Variants in RBFOX1 observed in about 807,000 individuals in gnomAD.
RBFOX1 encodes RNA binding protein fox-1 homolog 1.
A neutral mutation model predicts 57.7 loss-of-function variants in RBFOX1; 8 were observed. The observed-to-expected ratio is 0.14, with a 90% confidence interval of 0.08 to 0.25. The LOEUF is 0.25. Ranked by LOEUF, RBFOX1 falls within the 10% of genes least tolerant of loss-of-function variation. The pLI, the probability that RBFOX1 is intolerant of heterozygous loss-of-function variation, is 1.00. For synonymous variants in RBFOX1, 326 were observed against 222.4 expected, an observed-to-expected ratio of 1.47 and a Z score of -4.15; for missense variants, 611 against 548.5, an observed-to-expected ratio of 1.11 and a Z score of -1.14.
intron 1 of RBFOX1, among the ~76,000 whole-genome samples, chr16:6,275,776 G>C (rs535715448): frequency 3.1e-4 from 47 of 152,248 alleles, no homozygotes; most frequent in African/African-American, 1.1e-3. Flanking sequence ...AGAAGAAAGT[G>C]ATTATTTTGT....
intron 2 of RBFOX1, among the ~76,000 whole-genome samples, chr16:6,331,866 G>T (rs1255494991): frequency 1.3e-5 from 2 of 151,924 alleles, no homozygotes; most frequent in African/African-American, 4.8e-5. Flanking sequence ...GGTCTTGCTG[G>T]TTCCTGAGTT....
intron 3 of RBFOX1, among the ~76,000 whole-genome samples, chr16:6,932,956 G>T (rs1395932607): frequency 6.6e-6 from 1 of 152,124 alleles, no homozygotes; most frequent in Non-Finnish European, 1.5e-5. Flanking sequence ...TTATGAACTT[G>T]ACTGCTCTAG....
chr16:5,897,145 C>T (rs1227575194), intron 4 of RBFOX1, among the ~76,000 whole-genome samples: 1 of 151,488 alleles, frequency 6.6e-6, no homozygotes, highest in Non-Finnish European at 1.5e-5. Flanking sequence ...AAGCGATTCT[C>T]CCGCCTCAGC....
At chr16:6,652,749 C>T (rs1284992880) in intron 2 of RBFOX1, among the ~76,000 whole-genome samples, 1 of 151,920 alleles carries the variant, frequency 6.6e-6, no homozygotes, top group Non-Finnish European at 1.5e-5. Context: ...AGGTGGTTTT[C>T]AGGGGCTCTG....
At chr16:6,948,198 G>A (rs1400783660) in intron 3 of RBFOX1, among the ~76,000 whole-genome samples, 1 of 152,026 alleles carries the variant, frequency 6.6e-6, no homozygotes, top group Non-Finnish European at 1.5e-5. Context: ...TTGGGAGGCT[G>A]AGGTGAGAGG....
intron 3 of RBFOX1, among the ~76,000 whole-genome samples, chr16:5,668,246 A>G (rs541965140): frequency 1.3e-5 from 2 of 152,252 alleles, no homozygotes; most frequent in East Asian, 1.9e-4. Context: ...ATACCACTGC[A>G]CTCCAGCCTG....
At chr16:7,590,792 G>T (rs376210198) in intron 7 of RBFOX1, among the ~76,000 whole-genome samples, 1 of 151,120 alleles carries the variant, frequency 6.6e-6, no homozygotes, top group African/African-American at 2.4e-5. Flanking sequence ...CCGGGGGGTG[G>T]AGATTGCAGT....
At chr16:7,227,855 G>C (rs1462415016) in intron 4 of RBFOX1, among the ~76,000 whole-genome samples, 2 of 152,172 alleles carry the variant, frequency 1.3e-5, no homozygotes, top group Non-Finnish European at 2.9e-5. Context: ...TTCTGTACTG[G>C]CTGTTTTTAC....
chr16:5,961,852 A>C (rs963971151), intron 4 of RBFOX1, among the ~76,000 whole-genome samples: 4 of 152,140 alleles, frequency 2.6e-5, no homozygotes, highest in Non-Finnish European at 5.9e-5. Flanking sequence ...AACCTCCTTT[A>C]TCAGGTATAA....
chr16:7,706,547 T>G (rs2082504215), intron 14 of RBFOX1, among the ~76,000 whole-genome samples: 2 of 152,190 alleles, frequency 1.3e-5, no homozygotes, highest in Non-Finnish European at 2.9e-5. Context: ...AAGAGGAAAT[T>G]ATTGCCACAG....
chr16:6,951,558 C>T (rs1174395605), intron 3 of RBFOX1, among the ~76,000 whole-genome samples: 1 of 152,028 alleles, frequency 6.6e-6, no homozygotes, highest in African/African-American at 2.4e-5. Context: ...TTGGGGACTA[C>T]TAAGATCTCT....
intron 1 of RBFOX1, among the ~76,000 whole-genome samples, chr16:6,117,813 G>C (rs543006510): frequency 1.3e-5 from 2 of 152,298 alleles, no homozygotes; most frequent in South Asian, 4.1e-4. Flanking sequence ...TTGGAAAAAA[G>C]ACATAGTCAA....
intron 4 of RBFOX1, among the ~76,000 whole-genome samples, chr16:5,995,982 G>A (rs548480590): frequency 4.9e-4 from 75 of 152,186 alleles, no homozygotes; most frequent in Non-Finnish European, 7.8e-4. Context: ...GTTCATAGAT[G>A]GCATCTTTTT....
At chr16:6,334,099 C>A (rs895936553) in intron 2 of RBFOX1, among the ~76,000 whole-genome samples, 1 of 152,038 alleles carries the variant, frequency 6.6e-6, no homozygotes, top group African/African-American at 2.4e-5. Context: ...GAAATAACAA[C>A]TTGGAGAGGA....
At chr16:6,649,983 G>C (rs539813458) in intron 2 of RBFOX1, among the ~76,000 whole-genome samples, 36 of 152,150 alleles carry the variant, frequency 2.4e-4, no homozygotes, top group Non-Finnish European at 4.3e-4. Context: ...GGGGTATTCA[G>C]TTTGATTCCC....
intron 4 of RBFOX1, among the ~76,000 whole-genome samples, chr16:7,139,176 C>CTCTCTCTGTGTGTGTGTGTG (rs372381673): frequency 1.4e-5 from 2 of 145,792 alleles, no homozygotes; most frequent in East Asian, 2.0e-4. Context: ...CAATCTCTCT[C>CTCTCTCTGTGTGTGTGTGTG]TGTGTGTGTG....
intron 2 of RBFOX1, among the ~76,000 whole-genome samples, chr16:6,392,083 C>G (rs1389124076): frequency 6.6e-6 from 1 of 152,176 alleles, no homozygotes; most frequent in African/African-American, 2.4e-5. Flanking sequence ...ATAATTCAAA[C>G]TGCTGTCAAG....
chr16:7,666,890 G>A (rs780232746), intron 13 of RBFOX1, among the ~76,000 whole-genome samples: 4 of 152,224 alleles, frequency 2.6e-5, no homozygotes, highest in South Asian at 4.1e-4. Context: ...TGGGTGCAGC[G>A]GTGCAGCTCG....
At chr16:7,497,497 G>A (rs548663021) in intron 4 of RBFOX1, among the ~76,000 whole-genome samples, 3 of 152,178 alleles carry the variant, frequency 2.0e-5, no homozygotes, top group South Asian at 2.1e-4. Flanking sequence ...TTTGATCATC[G>A]ATTTTTTGGT....
Sources: allele counts gnomAD v4.1 joint callset (sites outside exome capture counted in the v4.1 genomes callset), GRCh38; gene constraint gnomAD v4.1.1; transcripts MANE v1.5; gene names NCBI Gene and HGNC (gene_info 2026-07-23, HGNC 2026-07-21).